Variants in NKAIN4 observed in about 807,000 individuals in gnomAD.
NKAIN4 encodes the protein sodium/potassium-transporting ATPase subunit beta-1-interacting protein 4.
NKAIN4 carries 28 observed loss-of-function variants against 28.8 expected under a neutral mutation model. The observed-to-expected ratio is 0.97, with a 90% CI of 0.72 to 1.33. The LOEUF (loss-of-function observed/expected upper bound fraction) is 1.33, where lower values mean the gene tolerates loss of function less well. NKAIN4 is among the 40% of genes most tolerant of loss of function. NKAIN4 has a pLI of 0.00. For synonymous variants in NKAIN4, 122 were observed against 115.6 expected (o/e 1.06, Z -0.36); for missense variants, 289 against 277.2 (o/e 1.04, Z -0.30).
intron 1 of NKAIN4, among the ~76,000 whole-genome samples, chr20:63,251,606 C>T (rs1234900532): frequency 6.6e-6 from 1 of 152,146 alleles, no homozygotes; most frequent in Non-Finnish European, 1.5e-5. Context: ...CACTTGTCTT[C>T]TGGTCACTTC....
chr20:63,251,122 G>A (rs1374116931), intron 1 of NKAIN4, among the ~76,000 whole-genome samples: 3 of 152,136 alleles, frequency 2.0e-5, no homozygotes, highest in African/African-American at 7.2e-5. Context: ...ATGTCCACTG[G>A]CCAGGGGGCC....
In NKAIN4 at chr20:63,247,668, G is replaced by A. The variant is rs1161303065; in HGVS notation, c.381C>T (p.Pro127=). Residue 127 remains proline (P), a synonymous_variant, in exon 4 of 7, where the codon CCC becomes CCT. Transcript: ENST00000370316. ...EEVPAVGLGA[P]HGQALVSGAG... Reference sequence around the variant, plus strand: ...CACCTGACACCAGGGCCTGGCCATGGGGGGCCCCGAGGCCCACTGCTGGCA... The same window carrying A: ...CACCTGACACCAGGGCCTGGCCATGAGGGGCCCCGAGGCCCACTGCTGGCA... 1 of 1,544,928 alleles carries A rather than the reference G, an allele frequency of 6.5e-7. No individual in the cohort carries two copies. The highest frequency in any genetic ancestry group is 2.0e-5 in the Admixed American group (1 of 50,392).
chr20:63,248,303 C>T (rs751550047), intron 3 of NKAIN4: 13 of 168,898 alleles, frequency 7.7e-5, no homozygotes, highest in Non-Finnish European at 1.5e-4. Context: ...GAAACAGCCT[C>T]GGTCAGGGTG....
rs973656469 is a variant in NKAIN4 at position 63,246,373 on chromosome 20, T to C, written c.471+1205A>G. Among the ~76,000 whole-genome samples the C allele has an allele frequency of 2.0e-5, 3 of 152,220 alleles. No individual in the cohort carries two copies. The East Asian group carries it at 5.8e-4, about 29-fold the overall frequency. ...AATTGGGGCCCCCTCTGTGCCTTGC[T>C]GACTGGCTTTGGTGGGAGAAACAGG... On this transcript the variant is annotated intron_variant, in intron 4 of 6. Transcript: ENST00000370316.
At chr20:63,241,728 T>A (rs1047819) in intron 6 of NKAIN4, 240,347 of 688,954 alleles carry the variant, frequency 0.35, 44,883 homozygotes, top group East Asian at 0.53. Flanking sequence ...TTTGCTGACA[T>A]CTCAGTGGGG....
At chr20:63,247,820 G>A (rs1474549519) in intron 3 of NKAIN4, 45 bp from the exon 4 acceptor site, 34 of 1,418,650 alleles carry the variant, frequency 2.4e-5, no homozygotes, top group Non-Finnish European at 3.1e-5. Flanking sequence ...ACCAGGAGGT[G>A]GGCGGCCTCA....
upstream of NKAIN4, chr20:63,254,635 C>G: frequency 2.3e-6 from 1 of 426,976 alleles, no homozygotes; most frequent in Non-Finnish European, 3.9e-6. Context: ...CCTCCCACCC[C>G]CGCCTGCGGC....
chr20:63,251,151 G>A (rs1216383463), intron 1 of NKAIN4, among the ~76,000 whole-genome samples: 4 of 144,510 alleles, frequency 2.8e-5, no homozygotes, highest in Admixed American at 7.1e-5. Flanking sequence ...CCTGGCAGCC[G>A]AGGCAGAGAG....
intron 1 of NKAIN4, 30 bp from the exon 2 acceptor site, chr20:63,250,102 G>A (rs1326503600): frequency 1.3e-6 from 2 of 1,536,116 alleles, no homozygotes; most frequent in Admixed American, 2.1e-5. Context: ...CATGAAGGGT[G>A]GACCCGAGGG....
intron 4 of NKAIN4, among the ~76,000 whole-genome samples, chr20:63,246,056 G>T (rs1201489738): frequency 1.3e-5 from 2 of 152,004 alleles, no homozygotes; most frequent in Non-Finnish European, 2.9e-5. Context: ...GCCTCCCGAG[G>T]AGCTGGGACT....
intron 1 of NKAIN4, among the ~76,000 whole-genome samples, chr20:63,251,423 G>T (rs7267408): frequency 1.3e-5 from 2 of 151,998 alleles, no homozygotes; most frequent in Non-Finnish European, 2.9e-5. Context: ...AAACTCCCCC[G>T]GGGAAAGGGA....
At chr20:63,242,860 G>A (rs1045150074) in intron 5 of NKAIN4, among the ~76,000 whole-genome samples, 1 of 149,014 alleles carries the variant, frequency 6.7e-6, no homozygotes, top group African/African-American at 2.5e-5. Context: ...GGGACAGCCC[G>A]GATCTTCAGC....
At chr20:63,254,114 C>A (rs1051743688) in intron 1 of NKAIN4, 3 of 446,180 alleles carry the variant, frequency 6.7e-6, no homozygotes, top group Admixed American at 3.5e-5. Flanking sequence ...TCCGTCCGGC[C>A]AGCCCATCCA....
At chr20:63,247,867 CA>C in intron 3 of NKAIN4, 92 bp from the exon 4 acceptor site, 1 of 1,391,800 alleles carries the variant, frequency 7.2e-7, no homozygotes, top group Non-Finnish European at 9.3e-7. Context: ...CACACCGAGG[CA>C]AGGGGAGGTC....
intron 4 of NKAIN4, chr20:63,247,348 G>C: frequency 4.0e-6 from 6 of 1,497,510 alleles, no homozygotes; most frequent in Non-Finnish European, 5.3e-6. Context: ...GAAAGCGCCT[G>C]GGTTGGCCCC....
At chr20:63,242,248 C>T (rs559478538) in intron 6 of NKAIN4, among the ~76,000 whole-genome samples, 8 of 152,240 alleles carry the variant, frequency 5.3e-5, no homozygotes, top group South Asian at 2.1e-4. Context: ...GACACCCTTG[C>T]GGCCCCCGAC....
rs2066906576 is a variant in NKAIN4, at chr20:63,248,867, G to A, written c.221C>T (p.Thr74Ile). The change falls in exon 3 of 7, where the codon ACC becomes ATC. Residue 74 changes from threonine (T) to isoleucine (I), a missense_variant. Coordinates refer to ENST00000370316, the MANE Select transcript of NKAIN4 (RefSeq NM_152864.4). ...VYTLWAAVWV[T>I]WNVFIICFYL... ...GAAGCAGATGATGAAGACGTTCCAG[G>A]TGACCCAGACGGCTGCCCACAGCGT... is the stretch of plus-strand genomic sequence containing the variant. 6.2e-7 allele frequency: 1 copy of A among 1,612,802 alleles called. No homozygotes were observed. Among genetic ancestry groups the A allele is most frequent in the Admixed American group, 1.7e-5 (1 of 59,996 alleles).
chr20:63,247,844 G>A (rs6090330), intron 3 of NKAIN4, 69 bp from the exon 4 acceptor site: 16,441 of 1,407,574 alleles, frequency 0.012, 128 homozygotes, highest in Middle Eastern at 0.027. Context: ...ACTGCAGCCT[G>A]CGGGGACGCC....
Position 63,242,028 on chromosome 20 carries a change from CG to C in NKAIN4, c.617+510del, listed in dbSNP as rs946353057. Among the ~76,000 whole-genome samples, 14 of 152,130 alleles carry C rather than the reference CG, an allele frequency of 9.2e-5. 1 individual carries two copies. The highest frequency in any genetic ancestry group is 2.9e-4 in the African/African-American group (12 of 41,454). On this transcript the variant is annotated intron_variant, in intron 6 of 6. Transcript: ENST00000370316. ...CTGAGCCCCAAACTAGGATTGTGTA[CG>C]GGGCGGGCTGTGTGGCAAAAGCTGT...
Sources: gnomAD v4.1 joint callset for allele counts (sites outside exome capture counted in the v4.1 genomes callset) on GRCh38, gnomAD v4.1.1 for gene constraint, MANE v1.5 for transcripts, NCBI Gene and HGNC (gene_info 2026-07-23, HGNC 2026-07-21) for gene names.